The following CAMTA1 variants were observed in gnomAD, a reference collection of about 807,000 sequenced individuals.
The protein encoded by CAMTA1 is calmodulin binding transcription activator 1.
A neutral mutation model predicts 170.9 loss-of-function variants in CAMTA1; 27 were observed. The ratio of observed to expected loss-of-function variants is 0.16; its 90% CI spans 0.12 to 0.22. The LOEUF (loss-of-function observed/expected upper bound fraction) is 0.22. CAMTA1 is among the 10% of genes least tolerant of loss of function. CAMTA1 has a pLI of 1.00. For missense variants in CAMTA1, 1,619 were observed against 2,217.2 expected (o/e 0.73, Z 5.42); for synonymous variants, 833 against 891.5 (o/e 0.93, Z 1.17).
intron 5 of CAMTA1, among the ~76,000 whole-genome samples, chr1:7,363,045 G>A (rs890085398): frequency 6.6e-6 from 1 of 152,206 alleles, no homozygotes; most frequent in African/African-American, 2.4e-5. Flanking sequence ...TCGCAGAGGT[G>A]CTCTGTAGAA....
chr1:7,737,325 C>G lies in CAMTA1; in HGVS notation c.3413C>G (p.Ser1138Trp). ...TACAAGTGGGACCGTCGGGCCATCT[C>G]GATTCCCGACTCTCTAGGAAGGCTG... is the stretch of plus-strand genomic sequence containing the variant. ...VLYKWDRRAI[S>W]IPDSLGRLPL... is the part of the protein sequence containing the mutation. The change falls in exon 15 of 23, where the codon TCG (serine) becomes TGG (tryptophan). Residue 1138 changes from serine (S) to tryptophan (W), a missense_variant. Around this residue, in one of 8 missense-constraint regions of CAMTA1, gnomAD observed 60 missense variants for 128.5 expected, o/e 0.47. Coordinates refer to ENST00000303635, the MANE Select transcript of CAMTA1 (RefSeq NM_015215.4). 1 of 1,614,176 alleles carries G rather than the reference C, an allele frequency of 6.2e-7. No homozygotes were observed.
chr1:7,537,528 C>A (rs530521172), intron 6 of CAMTA1, among the ~76,000 whole-genome samples: 66 of 152,224 alleles, frequency 4.3e-4, no homozygotes, highest in Non-Finnish European at 8.5e-4. Flanking sequence ...AGGCTGCCAC[C>A]AGCTGGAATG....
At chr1:7,582,728 T>C (rs1186892530) in intron 6 of CAMTA1, among the ~76,000 whole-genome samples, 1 of 152,012 alleles carries the variant, frequency 6.6e-6, no homozygotes, top group Non-Finnish European at 1.5e-5. Flanking sequence ...TCACACATAC[T>C]ACTTTCGCTC....
intron 6 of CAMTA1, among the ~76,000 whole-genome samples, chr1:7,597,587 G>A (rs1312839095): frequency 6.6e-6 from 1 of 152,170 alleles, no homozygotes; most frequent in Non-Finnish European, 1.5e-5. Flanking sequence ...TGGAGAGAGA[G>A]AGAGAGAGGA....
intron 5 of CAMTA1, among the ~76,000 whole-genome samples, chr1:7,373,369 C>T (rs2086621644): frequency 6.6e-6 from 1 of 152,238 alleles, no homozygotes; most frequent in African/African-American, 2.4e-5. Context: ...TTCAGTTCCC[C>T]CAGCCCCAGG....
chr1:6,984,644 G>A (rs1227460484), intron 3 of CAMTA1, among the ~76,000 whole-genome samples: 1 of 152,154 alleles, frequency 6.6e-6, no homozygotes, highest in African/African-American at 2.4e-5. Flanking sequence ...AAACAACAAA[G>A]AAATGTCTCC....
intron 22 of CAMTA1, among the ~76,000 whole-genome samples, chr1:7,759,844 G>T (rs920157756): frequency 7.2e-5 from 11 of 152,124 alleles, no homozygotes; most frequent in African/African-American, 2.7e-4. Context: ...TAAAATGCCT[G>T]TTTTTCTAGA....
At chr1:7,514,363 G>A (rs1313562563) in intron 6 of CAMTA1, among the ~76,000 whole-genome samples, 1 of 152,232 alleles carries the variant, frequency 6.6e-6, no homozygotes, top group South Asian at 2.1e-4. Context: ...CTGCTCAGGA[G>A]CCAGGTGCTC....
chr1:7,472,416 G>T (rs2093348747), intron 6 of CAMTA1, among the ~76,000 whole-genome samples: 1 of 152,106 alleles, frequency 6.6e-6, no homozygotes. Flanking sequence ...CACCTCTGGT[G>T]CTGACTCCTG....
chr1:7,389,157 C>T (rs1042810817), intron 5 of CAMTA1, among the ~76,000 whole-genome samples: 10 of 152,172 alleles, frequency 6.6e-5, no homozygotes, highest in African/African-American at 1.7e-4. Flanking sequence ...TGCTGTGAGA[C>T]GACCCTGGAG....
chr1:7,116,915 G>A (rs1300981295), intron 4 of CAMTA1, among the ~76,000 whole-genome samples: 4 of 151,738 alleles, frequency 2.6e-5, no homozygotes, highest in African/African-American at 4.8e-5. Flanking sequence ...GCCTCCCAAA[G>A]TGCTGGGATT....
At chr1:7,752,610 T>G (rs1050772765) in intron 21 of CAMTA1, 77 bp downstream of exon 21, 1 of 1,127,038 alleles carries the variant, frequency 8.9e-7, no homozygotes, top group Non-Finnish European at 1.3e-6. Flanking sequence ...CCTCACTAAC[T>G]CCTATGTAAA....
rs1650203929 is a variant in CAMTA1 at position 7,173,932 on chromosome 1, C to T, written c.303-75559C>T. The stretch of plus-strand genomic sequence containing the variant: ...CAGGTACCAACAAAACCTAGTGGAA[C>T]TCAGAGGGGCCCAGCCTTTACCATG... On this transcript the variant is annotated intron_variant, in intron 4 of 22. Transcript: ENST00000303635. This position sits in a 1 kb window ranked among gnomAD's most constrained non-coding sequence, Gnocchi z 5.4. 6.6e-6 allele frequency among the ~76,000 whole-genome samples: 1 copy of T among 152,142 alleles called. No individual in the cohort carries two copies. The highest frequency in any genetic ancestry group is 1.5e-5 in the Non-Finnish European group (1 of 68,018).
chr1:6,982,853 G>A (rs1257144285), intron 3 of CAMTA1, among the ~76,000 whole-genome samples: 1 of 152,162 alleles, frequency 6.6e-6, no homozygotes, highest in African/African-American at 2.4e-5. Flanking sequence ...TGCCTCAGTG[G>A]CCCAAACTCA....
At chr1:7,005,500 A>G (rs1329252437) in intron 3 of CAMTA1, among the ~76,000 whole-genome samples, 2 of 152,106 alleles carry the variant, frequency 1.3e-5, no homozygotes, top group Non-Finnish European at 2.9e-5. Flanking sequence ...CTTTCAAGAA[A>G]TACTTTCTGA....
intron 5 of CAMTA1, among the ~76,000 whole-genome samples, chr1:7,417,571 G>C (rs1363794622): frequency 6.6e-6 from 1 of 152,252 alleles, no homozygotes; most frequent in Non-Finnish European, 1.5e-5. Context: ...AGGACCCTCT[G>C]AGCCAGGTGT....
At chr1:7,654,765 CCACCTAAACACA>C (rs1467907959) in intron 7 of CAMTA1, among the ~76,000 whole-genome samples, 2 of 104,458 alleles carry the variant, frequency 1.9e-5, no homozygotes, top group African/African-American at 7.3e-5. Context: ...ACAAACACAC[CCACCTAAACACA>C]CACCTATACC....
chr1:6,881,403 G>C (rs1187201110), intron 3 of CAMTA1, among the ~76,000 whole-genome samples: 1 of 152,188 alleles, frequency 6.6e-6, no homozygotes, highest in Admixed American at 6.5e-5. Flanking sequence ...GACCACGTAG[G>C]TGTCTAGAGT....
At chr1:7,321,369 G>C (rs907403429) in intron 5 of CAMTA1, among the ~76,000 whole-genome samples, 1 of 152,192 alleles carries the variant, frequency 6.6e-6, no homozygotes, top group African/African-American at 2.4e-5. Flanking sequence ...CTATCAGCAA[G>C]TCAGGTTCTC....
Sources: gnomAD v4.1 joint callset for allele counts (sites outside exome capture counted in the v4.1 genomes callset) on GRCh38, gnomAD v4.1.1 for gene constraint, gnomAD v4.1.1 regional missense constraint, Gnocchi (gnomAD v3.1) non-coding constraint, MANE v1.5 for transcripts, NCBI Gene and HGNC (gene_info 2026-07-23, HGNC 2026-07-21) for gene names.